NUDT11: variants seen among roughly 807,000 people sequenced by gnomAD.
NUDT11 encodes the protein diphosphoinositol polyphosphate phosphohydrolase 3-beta.
A neutral mutation model predicts 10.0 loss-of-function variants in NUDT11; 1 was observed. The ratio of observed to expected loss-of-function variants is 0.10; its 90% CI spans 0.04 to 0.47. NUDT11 has a LOEUF of 0.47. NUDT11 is among the 20% of genes least tolerant of loss of function. NUDT11 has a pLI of 0.96. For synonymous variants in NUDT11, 63 were observed against 65.9 expected (o/e 0.96, Z 0.21); for missense variants, 47 against 140.4 (o/e 0.33, Z 3.36).
At position 51,496,406 on chromosome X, in the gene NUDT11, G is replaced by A. The variant is rs375563131; in HGVS notation, c.39C>T (p.Pro13=). Residue 13 remains proline (P), a synonymous_variant, in exon 1 of 2, where the codon CCC becomes CCT. Transcript: ENST00000375992. ...ACGCCGCCCGCTTCTTGAACCCCTC[G>A]GGGTCGTAGGTCCGCGTCTGGTTGG... The part of the protein sequence containing the change: ...CKPNQTRTYD[P]EGFKKRAACL... 28 of 1,206,575 alleles carry A rather than the reference G, an allele frequency of 2.3e-5. No homozygotes were observed. The African/African-American group carries it at 3.9e-4, about 17-fold the overall frequency.
Position 51,495,983 on chromosome X carries a change from G to A in NUDT11, c.462C>T (p.Ser154=). Residue 154 remains serine, a synonymous_variant, in exon 1 of 2, where the codon TCC becomes TCT. Transcript: ENST00000375992. ...KLGGSPTNGN[S]MAPSSPDSDP is the part of the protein sequence containing the mutation. ...CGCTATCTGGCGAGGATGGGGCCAT[G>A]GAGTTTCCATTGGTTGGGGAACCGC... The A allele has an allele frequency of 1.7e-6, 2 of 1,208,204 alleles. No homozygotes were observed. The highest frequency in any genetic ancestry group is 2.2e-6 in the Non-Finnish European group (2 of 892,927).
chrX:51,496,480 C>A lies in NUDT11; in HGVS notation c.-36G>T, dbSNP rs1557326701. 2 of 1,149,402 alleles carry A rather than the reference C, an allele frequency of 1.7e-6. No individual in the cohort carries two copies. The highest frequency in any genetic ancestry group is 2.3e-6 in the Non-Finnish European group (2 of 863,090). The allele number at this position is 1,149,402 out of a possible 1,213,427, so 94.7% of individuals were successfully genotyped here. A position where few individuals can be genotyped will look rare whatever the true frequency, so the allele number is the denominator to read the frequency against. On this transcript the variant is annotated 5_prime_UTR_variant, in exon 1 of 2. Transcript: ENST00000375992. ...GCCTCCTCGAGGCAGCCTCCTCTCG[C>A]CTCTCGCTGCTGTGTGGGCCGCCGC...
chrX:51,495,243 G>A (rs1463672848), intron 1 of NUDT11, among the ~76,000 whole-genome samples: 1 of 111,658 alleles, frequency 9.0e-6, no homozygotes, highest in Admixed American at 9.5e-5. Context: ...AACAGAAAAA[G>A]AAATTTCTGA....
At chrX:51,493,468 C>T in intron 1 of NUDT11, among the ~76,000 whole-genome samples, 1 of 111,880 alleles carries the variant, frequency 8.9e-6, no homozygotes, top group Non-Finnish European at 1.9e-5. Flanking sequence ...CTATATACTA[C>T]CTCTGTTCTA....
chrX:51,493,600 T>C (rs782181936), intron 1 of NUDT11, among the ~76,000 whole-genome samples: 12 of 111,971 alleles, frequency 1.1e-4, no homozygotes, highest in Non-Finnish European at 2.1e-4. Flanking sequence ...CTTGAAACTC[T>C]TGACTTAGTT....
At chrX:51,492,556 G>A (rs1381871174) in intron 1 of NUDT11, among the ~76,000 whole-genome samples, 1 of 110,823 alleles carries the variant, frequency 9.0e-6, no homozygotes, top group African/African-American at 3.3e-5. Context: ...ATAATTAGAA[G>A]TAGAGTTGGG....
In NUDT11 at chrX:51,496,518, C is replaced by T. The variant is rs1193538344; in HGVS notation, c.-74G>A. ...TGTGGGCCGCCGCTGCCGCTGCCGCCGCCGGGGAACAGCCGAGGTGCTGGG... is the reference window on the plus strand; with the variant it reads ...TGTGGGCCGCCGCTGCCGCTGCCGCTGCCGGGGAACAGCCGAGGTGCTGGG... On this transcript the variant is annotated 5_prime_UTR_variant, in exon 1 of 2. Coordinates refer to ENST00000375992, the MANE Select transcript of NUDT11 (RefSeq NM_018159.4). 2.5e-6 allele frequency: 3 copies of T among 1,180,303 alleles called. No homozygotes were observed. Among genetic ancestry groups the T allele is most frequent in the Non-Finnish European group, 3.4e-6 (3 of 878,015 alleles).
chrX:51,494,272 A>G (rs919547984), intron 1 of NUDT11, among the ~76,000 whole-genome samples: 2 of 112,179 alleles, frequency 1.8e-5, no homozygotes, highest in Non-Finnish European at 3.8e-5. Context: ...CACTTTGTTA[A>G]GAGAAAAATA....
intron 1 of NUDT11, among the ~76,000 whole-genome samples, chrX:51,492,614 A>T (rs1237346294): frequency 9.0e-6 from 1 of 111,564 alleles, no homozygotes; most frequent in Admixed American, 9.5e-5. Context: ...ACCTCAAGTG[A>T]TCTGCCCACC....
In NUDT11 at chrX:51,496,064, C is replaced by T. The variant is rs1413748030; in HGVS notation, c.381G>A (p.Lys127=). ...REWFKVEDAI[K]VLQCHKPVHA... is the part of the protein sequence containing the mutation. ...GCACGGGCTTGTGGCACTGGAGAAC[C>T]TTGATGGCATCTTCGACTTTGAACC... The change falls in exon 1 of 2, where the codon AAG becomes AAA. Residue 127 remains lysine (K), a synonymous_variant. Transcript: ENST00000375992. 1 of 1,209,568 alleles carries T rather than the reference C, an allele frequency of 8.3e-7. No homozygotes were observed. Among genetic ancestry groups the T allele is most frequent in the Admixed American group, 2.2e-5 (1 of 45,886 alleles).
At chrX:51,493,274 C>A (rs1925632398) in intron 1 of NUDT11, among the ~76,000 whole-genome samples, 1 of 112,205 alleles carries the variant, frequency 8.9e-6, no homozygotes, top group African/African-American at 3.2e-5. Flanking sequence ...TGATTCATGT[C>A]TGCAAACCTC....
rs1288566783 is a variant in NUDT11 at position 51,491,426 on chromosome X, T to A, written c.*323A>T. ...TGCCAACCATATTTCAAGTAGTGTC[T>A]CAGATGCAGAATATGCAAAGAGTAA... On this transcript the variant is annotated 3_prime_UTR_variant, in exon 2 of 2. Transcript: ENST00000375992. 1 of 234,740 alleles carries A rather than the reference T, an allele frequency of 4.3e-6. No individual in the cohort carries two copies. Among genetic ancestry groups the A allele is most frequent in the Non-Finnish European group, 7.6e-6 (1 of 131,751 alleles). 19.3% of individuals were successfully genotyped at this position (234,740 alleles called of 1,213,427 possible).
chrX:51,495,323 G>A (rs1255057569), intron 1 of NUDT11, among the ~76,000 whole-genome samples: 3 of 111,786 alleles, frequency 2.7e-5, no homozygotes, highest in East Asian at 5.6e-4. Context: ...CAACATGTAG[G>A]ATTTCCCAAT....
In NUDT11 at chrX:51,494,294, C is replaced by T. The variant is rs782702285; in HGVS notation, c.494+1657G>A. Among the ~76,000 whole-genome samples the T allele has an allele frequency of 1.1e-3, 123 of 111,660 alleles. 1 individual carries two copies. Among genetic ancestry groups the T allele is most frequent in the African/African-American group, 3.7e-3 (115 of 30,827 alleles). On this transcript the variant is annotated intron_variant, in intron 1 of 1. Coordinates refer to ENST00000375992, the MANE Select transcript of NUDT11 (RefSeq NM_018159.4). The stretch of plus-strand genomic sequence containing the variant: ...TTAAGAGAAAAATAGAAAAATACTC[C>T]GTATTTGATCAGACCATGTAATTCA...
At chrX:51,492,497 C>T (rs782613556) in intron 1 of NUDT11, among the ~76,000 whole-genome samples, 1 of 110,601 alleles carries the variant, frequency 9.0e-6, no homozygotes, top group South Asian at 3.9e-4. Context: ...GAAGGTATTA[C>T]AGGCACGTGC....
chrX:51,494,954 T>C (rs1356476029), intron 1 of NUDT11, among the ~76,000 whole-genome samples: 4 of 111,639 alleles, frequency 3.6e-5, no homozygotes, highest in Non-Finnish European at 7.5e-5. Context: ...TGTCACTACA[T>C]TCAAATATGG....
Position 51,491,656 on chromosome X carries a change from A to G in NUDT11, c.*93T>C, listed in dbSNP as rs368461520. ...CCAGATGAGCTGTCTTCTTGGGAACACAGAAGTGCTCACCTGTACTTGACA... is the reference window on the plus strand; with the variant it reads ...CCAGATGAGCTGTCTTCTTGGGAACGCAGAAGTGCTCACCTGTACTTGACA... On this transcript the variant is annotated 3_prime_UTR_variant, in exon 2 of 2. Coordinates refer to ENST00000375992, the MANE Select transcript of NUDT11 (RefSeq NM_018159.4). 753 of 560,988 alleles carry G rather than the reference A, an allele frequency of 1.3e-3. 1 individual carries two copies. The highest frequency in any genetic ancestry group is 1.2e-3 in the Admixed American group (54 of 44,516). The allele number at this position is 560,988 out of a possible 1,213,427, so 46.2% of individuals were successfully genotyped here.
At chrX:51,493,746 GA>G (rs1168445703) in intron 1 of NUDT11, among the ~76,000 whole-genome samples, 22 of 101,296 alleles carry the variant, frequency 2.2e-4, no homozygotes, top group African/African-American at 2.1e-4. Context: ...AGTGTTTCTG[GA>G]AAAAAAAAAA....
chrX:51,491,591 G>A lies in NUDT11; in HGVS notation c.*158C>T. 1 of 490,559 alleles carries A rather than the reference G, an allele frequency of 2.0e-6. No homozygotes were observed. The highest frequency in any genetic ancestry group is 3.0e-5 in the South Asian group (1 of 33,383). The allele number at this position is 490,559 out of a possible 1,213,427, so 40.4% of individuals were successfully genotyped here. ...ACAACAACCAGAGCAAGAGTCAGTG[G>A]TATAGACAGGGAAGGAGTGTCCCAA... On this transcript the variant is annotated 3_prime_UTR_variant, in exon 2 of 2. Transcript: ENST00000375992.
Sources: gnomAD v4.1 joint callset for allele counts (sites outside exome capture counted in the v4.1 genomes callset) on GRCh38, gnomAD v4.1.1 for gene constraint, MANE v1.5 for transcripts, NCBI Gene and HGNC (gene_info 2026-07-23, HGNC 2026-07-21) for gene names.